Variants in KIAA2012 observed in about 807,000 individuals in gnomAD.
KIAA2012 encodes KIAA2012.
KIAA2012 carries 125 observed loss-of-function variants against 150.6 expected under a neutral mutation model. The observed-to-expected ratio is 0.83, with a 90% confidence interval of 0.72 to 0.96. The LOEUF (loss-of-function observed/expected upper bound fraction) is 0.96. Among genes scored for constraint, KIAA2012 ranks in the 40% least tolerant of loss-of-function variants. The probability of loss-of-function intolerance (pLI) is 0.00; values close to 1 mark genes in which losing one functional copy is unlikely to be tolerated. For missense variants in KIAA2012, 1,219 were observed against 1,354.9 expected, an observed-to-expected ratio of 0.90 and a Z score of 1.57; for synonymous variants, 462 against 504.7, an observed-to-expected ratio of 0.92 and a Z score of 1.13.
chr2:202,162,989 T>C (rs1350632135), intron 14 of KIAA2012, among the ~76,000 whole-genome samples: 6 of 152,026 alleles, frequency 3.9e-5, no homozygotes, highest in Non-Finnish European at 7.4e-5. Context: ...TATTCCATTG[T>C]ATAAGCTAAT....
intron 14 of KIAA2012, among the ~76,000 whole-genome samples, chr2:202,164,245 G>A (rs1330659619): frequency 6.6e-6 from 1 of 152,086 alleles, no homozygotes; most frequent in Non-Finnish European, 1.5e-5. Context: ...TACCTGCCAT[G>A]TTACTTTGGC....
intron 15 of KIAA2012, among the ~76,000 whole-genome samples, chr2:202,182,481 A>C (rs1257717977): frequency 1.3e-5 from 2 of 152,156 alleles, no homozygotes; most frequent in Non-Finnish European, 2.9e-5. Context: ...CCATATTGCC[A>C]GGTATATCAA....
chr2:202,109,892 AT>A, intron 10 of KIAA2012, 103 bp downstream of exon 10: 5 of 1,034,524 alleles, frequency 4.8e-6, no homozygotes, highest in Non-Finnish European at 6.8e-6. Context: ...AAGGCATTCC[AT>A]TGAAAAGGGG....
At position 202,113,417 on chromosome 2, in the gene KIAA2012, C is replaced by T. The variant is rs555423289; in HGVS notation, c.1733C>T (p.Thr578Ile). 3.3e-5 allele frequency: 51 copies of T among 1,550,462 alleles called. No homozygotes were observed. In the South Asian group the frequency reaches 4.2e-4, roughly 13 times the overall value. Residue 578 changes from threonine (T) to isoleucine (I), a missense_variant, in exon 11 of 24, where the codon ACC becomes ATC. Transcript: ENST00000498697. ...GTCTGCCTGTCCCTCCCAGGGCATA[C>T]CCAAACCGAGGCGCTTCCATCGGGT... ...EKVCLSLPGH[T>I]QTEALPSGKA...
At chr2:202,136,002 A>G in intron 12 of KIAA2012, 1 of 333,068 alleles carries the variant, frequency 3.0e-6, no homozygotes, top group South Asian at 2.3e-5. Context: ...TTAAAAAAAA[A>G]AAAAATTTTT....
chr2:202,099,626 A>T lies in KIAA2012; in HGVS notation c.842A>T (p.Glu281Val), dbSNP rs1456961092. 1.9e-6 allele frequency: 3 copies of T among 1,550,000 alleles called. No individual in the cohort carries two copies. In the Admixed American group the frequency reaches 5.9e-5, roughly 30 times the overall value. Residue 281 changes from glutamate to valine, a missense_variant, in exon 6 of 24, where the codon GAG becomes GTG. Glu to Val is a moderately radical substitution (Grantham distance 121, BLOSUM62 -2). Coordinates refer to ENST00000498697, the MANE Select transcript of KIAA2012 (RefSeq NM_001277372.4). ...GTCGTTCCCTAGGACACGTCAATAG[A>T]GAATCACCTTTGTTTATATGCTTCA... is the stretch of plus-strand genomic sequence containing the variant. ...DETQAEDTSI[E>V]NHLCLYASKE...
At chr2:202,171,761 C>T (rs1004198435) in intron 15 of KIAA2012, among the ~76,000 whole-genome samples, 5 of 151,554 alleles carry the variant, frequency 3.3e-5, no homozygotes, top group Non-Finnish European at 4.4e-5. Context: ...GCCACCCAAA[C>T]AATTGGACTT....
intron 12 of KIAA2012, among the ~76,000 whole-genome samples, chr2:202,132,685 T>C (rs1180051840): frequency 1.2e-5 from 1 of 85,378 alleles, no homozygotes; most frequent in African/African-American, 4.7e-5. Flanking sequence ...AATACATATA[T>C]ATATATGTAT....
intron 12 of KIAA2012, among the ~76,000 whole-genome samples, chr2:202,127,906 C>T (rs1223483079): frequency 6.6e-6 from 1 of 152,122 alleles, no homozygotes; most frequent in Non-Finnish European, 1.5e-5. Flanking sequence ...CAAACAGTCT[C>T]CAGAACTCTT....
intron 14 of KIAA2012, among the ~76,000 whole-genome samples, chr2:202,164,665 GC>G (rs1247504562): frequency 2.0e-5 from 3 of 152,114 alleles, no homozygotes; most frequent in African/African-American, 7.2e-5. Flanking sequence ...TGCCTTCAAG[GC>G]CATGGGGGTT....
chr2:202,088,206 T>G (rs189066141), intron 2 of KIAA2012, among the ~76,000 whole-genome samples: 1 of 152,078 alleles, frequency 6.6e-6, no homozygotes, highest in East Asian at 1.9e-4. Flanking sequence ...TCCCCACAGA[T>G]AACGAGGGAT....
rs569021854 is a variant in KIAA2012, at chr2:202,129,970, T to C, written c.1831+4688T>C. 4.6e-4 allele frequency among the ~76,000 whole-genome samples: 70 copies of C among 152,278 alleles called. 1 individual carries two copies. The South Asian group carries it at 0.014, about 30-fold the overall frequency. On this transcript the variant is annotated intron_variant, in intron 12 of 23. Coordinates refer to ENST00000498697, the MANE Select transcript of KIAA2012 (RefSeq NM_001277372.4). Reference sequence around the variant, plus strand: ...CCTCGCAGCACTCACACGTCTCATATTGTGGTCTATAATTCATTATAACAT... The same window carrying C: ...CCTCGCAGCACTCACACGTCTCATACTGTGGTCTATAATTCATTATAACAT...
At chr2:202,082,708 C>T (rs12693957) in intron 2 of KIAA2012, among the ~76,000 whole-genome samples, 71,701 of 151,904 alleles carry the variant, frequency 0.47, 18,032 homozygotes, top group Non-Finnish European at 0.56. Context: ...AAACTCAATG[C>T]CATGAAGCTT....
chr2:202,152,365 G>C (rs575460840), intron 13 of KIAA2012, among the ~76,000 whole-genome samples: 1 of 152,242 alleles, frequency 6.6e-6, no homozygotes, highest in African/African-American at 2.4e-5. Context: ...AAGTGCTTTG[G>C]GGAGACTTTT....
chr2:202,124,481 C>T (rs1445570641), intron 11 of KIAA2012, among the ~76,000 whole-genome samples: 1 of 152,176 alleles, frequency 6.6e-6, no homozygotes, highest in Admixed American at 6.5e-5. Context: ...CCTGGTCCAA[C>T]ACTCTGTTTG....
intron 15 of KIAA2012, among the ~76,000 whole-genome samples, chr2:202,183,476 A>ATTTTTTTTTTTT (rs71406950): frequency 2.1e-5 from 2 of 95,830 alleles, no homozygotes; most frequent in African/African-American, 8.1e-5. Flanking sequence ...GGTTTTTTAA[A>ATTTTTTTTTTTT]TTTTTTTTTT....
intron 5 of KIAA2012, among the ~76,000 whole-genome samples, chr2:202,098,666 C>T (rs79710639): frequency 1.7e-3 from 255 of 152,094 alleles, no homozygotes; most frequent in African/African-American, 5.6e-3. Context: ...GTCCAAGAAT[C>T]GTAACTAACT....
chr2:202,199,805 C>CA (rs1692480217), intron 22 of KIAA2012, among the ~76,000 whole-genome samples: 1 of 152,092 alleles, frequency 6.6e-6, no homozygotes, highest in African/African-American at 2.4e-5. Context: ...TGAGTGGCTG[C>CA]ATCAGACACT....
At chr2:202,171,287 G>A (rs1481951284) in intron 15 of KIAA2012, among the ~76,000 whole-genome samples, 1 of 152,184 alleles carries the variant, frequency 6.6e-6, no homozygotes, top group East Asian at 1.9e-4. Flanking sequence ...GAATAAAAAG[G>A]TGTGGCCAAT....
Sources: allele counts gnomAD v4.1 joint callset (sites outside exome capture counted in the v4.1 genomes callset), GRCh38; gene constraint gnomAD v4.1.1; transcripts MANE v1.5; gene names NCBI Gene and HGNC (gene_info 2026-07-23, HGNC 2026-07-21).